PEG3: variants seen among roughly 807,000 people sequenced by gnomAD.
PEG3 encodes paternally-expressed gene 3 protein.
Under a neutral mutation model 35.5 loss-of-function variants are expected in PEG3, and 23 were observed. The observed-to-expected ratio is 0.65, with a 90% CI of 0.47 to 0.92. The LOEUF is 0.92. Ranked by LOEUF, PEG3 falls within the 40% of genes least tolerant of loss-of-function variation. The probability of loss-of-function intolerance (pLI) is 0.00; values close to 1 mark genes in which losing one functional copy is unlikely to be tolerated. For missense variants in PEG3, 1,960 were observed against 1,985.3 expected, an observed-to-expected ratio of 0.99 and a Z score of 0.24; for synonymous variants, 707 against 697.0, an observed-to-expected ratio of 1.01 and a Z score of -0.23.
chr19:56,811,517 C>T lies in PEG3; in HGVS notation c.*2158G>A. The stretch of plus-strand genomic sequence containing the variant: ...GTTTAAACAATCATTCTCTTGTTTA[C>T]CATTTGTTACTACCTTTTCACTAGC... On this transcript the variant is annotated 3_prime_UTR_variant, in exon 10 of 10. Coordinates refer to ENST00000326441, the MANE Select transcript of PEG3 (RefSeq NM_006210.3). 1.0e-6 allele frequency: 1 copy of T among 985,136 alleles called. No homozygotes were observed. The highest frequency in any genetic ancestry group is 1.2e-6 in the Non-Finnish European group (1 of 829,746). The allele number at this position is 985,136 out of a possible 1,614,324, so 61.0% of individuals were successfully genotyped here.
Position 56,816,810 on chromosome 19 carries a change from G to A in PEG3, c.1632C>T (p.Phe544=). The A allele has an allele frequency of 1.2e-6, 2 of 1,614,166 alleles. No homozygotes were observed. Among genetic ancestry groups the A allele is most frequent in the Non-Finnish European group, 1.7e-6 (2 of 1,180,018 alleles). The part of the protein sequence containing the change: ...ECKNQECEEA[F]MPSPTFSELQ... ...GCTCACTAAAGGTGGGGCTAGGCAT[G>A]AAGGCTTCCTCACATTCCTGATTCT... Residue 544 remains phenylalanine, a synonymous_variant, in exon 10 of 10, where the codon TTC becomes TTT. Transcript: ENST00000326441.
At chr19:56,826,970 A>T (rs554903724) in intron 2 of PEG3, among the ~76,000 whole-genome samples, 1 of 152,336 alleles carries the variant, frequency 6.6e-6, no homozygotes, top group Non-Finnish European at 1.5e-5. Flanking sequence ...TGGCAGGCTT[A>T]TAGAGTTCAA....
chr19:56,816,174 G>C lies in PEG3; in HGVS notation c.2268C>G (p.Pro756=), dbSNP rs912064162. 5 of 1,614,020 alleles carry C rather than the reference G, an allele frequency of 3.1e-6. No individual in the cohort carries two copies. The highest frequency in any genetic ancestry group is 2.2e-5 in the East Asian group (1 of 44,888). ...DEKAFTISSN[P]YENQKIPTKE... ...TAGTGGGAATCTTCTGGTTTTCATA[G>C]GGGTTAGAGCTAATGGTGAACGCCT... The change falls in exon 10 of 10, where the codon CCC becomes CCG. Residue 756 remains proline, a synonymous_variant. Transcript: ENST00000326441.
Position 56,810,991 on chromosome 19 carries a change from G to A in PEG3, c.*2684C>T. On this transcript the variant is annotated 3_prime_UTR_variant, in exon 10 of 10. Transcript: ENST00000326441. Reference sequence around the variant, plus strand: ...ATAATTCCACAAAGGTAATGTAACAGCTATTTTGAATATACATTTTGACAC... The same window carrying A: ...ATAATTCCACAAAGGTAATGTAACAACTATTTTGAATATACATTTTGACAC... 1 of 973,138 alleles carries A rather than the reference G, an allele frequency of 1.0e-6. No individual in the cohort carries two copies. Among genetic ancestry groups the A allele is most frequent in the Non-Finnish European group, 1.2e-6 (1 of 818,770 alleles). 60.3% of individuals were successfully genotyped at this position (973,138 alleles called of 1,614,324 possible).
At chr19:56,839,430 T>G (rs766431142) in intron 1 of PEG3, among the ~76,000 whole-genome samples, 6 of 150,886 alleles carry the variant, frequency 4.0e-5, no homozygotes, top group Admixed American at 1.3e-4. Context: ...GGGCAGGGCC[T>G]GAACAGATCG....
chr19:56,813,077 A>T lies in PEG3; in HGVS notation c.*598T>A, dbSNP rs1251605139. 1.0e-6 allele frequency: 1 copy of T among 985,334 alleles called. No individual in the cohort carries two copies. The highest frequency in any genetic ancestry group is 1.2e-6 in the Non-Finnish European group (1 of 829,774). 61.0% of individuals were successfully genotyped at this position (985,334 alleles called of 1,614,324 possible). ...TGCCTACAGCTTCACAAGACTATTT[A>T]AGGGTAAGAAACAAAACAATTACTC... On this transcript the variant is annotated 3_prime_UTR_variant, in exon 10 of 10. Coordinates refer to ENST00000326441, the MANE Select transcript of PEG3 (RefSeq NM_006210.3).
Position 56,817,020 on chromosome 19 carries a change from A to G in PEG3, c.1422T>C (p.His474=), listed in dbSNP as rs1021775767. 8.1e-6 allele frequency: 13 copies of G among 1,614,018 alleles called. No individual in the cohort carries two copies. The African/African-American group carries it at 1.7e-4, about 22-fold the overall frequency. ...CATACTCATAGAGGTTCTCTCTAGT[A>G]TGCATGATCTGGTGCTCAACAAATT... ...ISEFVEHQIM[H]TRENLYEYGE... The change falls in exon 10 of 10, where the codon CAT becomes CAC. Residue 474 remains histidine, a synonymous_variant. Coordinates refer to ENST00000326441, the MANE Select transcript of PEG3 (RefSeq NM_006210.3).
rs1232641962 is a variant in PEG3, at chr19:56,826,401, G to C, written c.-100C>G. ...ATATGTAATCACCTGTCTGGGAACA[G>C]GATCCTTTCTGGAACTTCAGACCAA... is the stretch of plus-strand genomic sequence containing the variant. On this transcript the variant is annotated 5_prime_UTR_variant, in exon 3 of 10. Coordinates refer to ENST00000326441, the MANE Select transcript of PEG3 (RefSeq NM_006210.3). 6.6e-6 allele frequency: 1 copy of C among 152,244 alleles called. No individual in the cohort carries two copies. Among genetic ancestry groups the C allele is most frequent in the African/African-American group, 2.4e-5 (1 of 41,452 alleles). The allele number at this position is 152,244 out of a possible 1,614,324, so 9.4% of individuals were successfully genotyped here.
At chr19:56,824,807 C>T (rs2060863180) in intron 3 of PEG3, 66 bp from the exon 4 acceptor site, 1 of 680,386 alleles carries the variant, frequency 1.5e-6, no homozygotes, top group African/African-American at 1.8e-5. Context: ...TGGAGGCCAC[C>T]TTACCAGAGG....
At chr19:56,838,664 G>C (rs1034560897) in intron 1 of PEG3, among the ~76,000 whole-genome samples, 1 of 152,196 alleles carries the variant, frequency 6.6e-6, no homozygotes, top group Admixed American at 6.5e-5. Flanking sequence ...CTGTCCTTAA[G>C]CATAAATGGC....
chr19:56,812,920 G>A lies in PEG3; in HGVS notation c.*755C>T. ...AACCAATCAATCTGGGTCACAAAAAGCCAATCCGTATATTGTAAAGCCTTA... is the reference window on the plus strand; with the variant it reads ...AACCAATCAATCTGGGTCACAAAAAACCAATCCGTATATTGTAAAGCCTTA... On this transcript the variant is annotated 3_prime_UTR_variant, in exon 10 of 10. Coordinates refer to ENST00000326441, the MANE Select transcript of PEG3 (RefSeq NM_006210.3). 1.0e-6 allele frequency: 1 copy of A among 985,288 alleles called. No homozygotes were observed. Among genetic ancestry groups the A allele is most frequent in the Non-Finnish European group, 1.2e-6 (1 of 829,850 alleles). The allele number at this position is 985,288 out of a possible 1,614,324, so 61.0% of individuals were successfully genotyped here. A position where few individuals can be genotyped will look rare whatever the true frequency, so the allele number is the denominator to read the frequency against.
At chr19:56,839,167 A>G (rs571163455) in intron 1 of PEG3, among the ~76,000 whole-genome samples, 1 of 151,250 alleles carries the variant, frequency 6.6e-6, no homozygotes, top group South Asian at 2.1e-4. Context: ...ACAAACCACT[A>G]GGTCCAATGC....
intron 1 of PEG3, among the ~76,000 whole-genome samples, 165 bp from the exon 2 acceptor site, chr19:56,836,269 C>T (rs1036418545): frequency 1.3e-5 from 2 of 152,098 alleles, no homozygotes; most frequent in Non-Finnish European, 2.9e-5. Context: ...ACGGGTATAG[C>T]TCCCTTAGAC....
At chr19:56,833,128 T>A (rs760494732) in intron 2 of PEG3, 3 of 516,350 alleles carry the variant, frequency 5.8e-6, no homozygotes, top group South Asian at 4.2e-5. Flanking sequence ...TGGGACCATG[T>A]GTGAGAAGAA....
rs747830167 is a variant in PEG3, at chr19:56,814,564, T to C, written c.3878A>G (p.Asn1293Ser). 3.1e-6 allele frequency: 5 copies of C among 1,613,882 alleles called. No homozygotes were observed. Among genetic ancestry groups the C allele is most frequent in the South Asian group, 2.2e-5 (2 of 91,048 alleles). The change falls in exon 10 of 10, where the codon AAC (asparagine) becomes AGC (serine). Residue 1293 changes from asparagine to serine, a missense_variant. Transcript: ENST00000326441. This position sits in a 1 kb window ranked among gnomAD's most constrained non-coding sequence, Gnocchi z 5.8. ...TACGTGATCTGCAAGTTCTGCTGGGTTGACGAAAGATTCTCCACAGACTGC... is the reference window on the plus strand; with the variant it reads ...TACGTGATCTGCAAGTTCTGCTGGGCTGACGAAAGATTCTCCACAGACTGC... ...ECAVCGESFV[N>S]PAELADHVTV...
Position 56,811,738 on chromosome 19 carries a change from C to T in PEG3, c.*1937G>A. The T allele has an allele frequency of 2.0e-6, 2 of 985,588 alleles. No homozygotes were observed. The highest frequency in any genetic ancestry group is 4.7e-5 in the South Asian group (1 of 21,264). 61.1% of individuals were successfully genotyped at this position (985,588 alleles called of 1,614,324 possible). ...GCTTTCCCGATGTCCGTTCCAACCT[C>T]AGTCCTTCCTATGCAGCCAGCCCTC... On this transcript the variant is annotated 3_prime_UTR_variant, in exon 10 of 10. Coordinates refer to ENST00000326441, the MANE Select transcript of PEG3 (RefSeq NM_006210.3).
chr19:56,827,253 C>A (rs1312705313), intron 2 of PEG3, among the ~76,000 whole-genome samples: 3 of 151,484 alleles, frequency 2.0e-5, no homozygotes, highest in Middle Eastern at 3.2e-3. Context: ...ACTTCTGTGC[C>A]AAAAAAAATA....
rs191716523 is a variant in PEG3 at position 56,813,740 on chromosome 19, C to T, written c.4702G>A (p.Val1568Ile). 1.7e-5 allele frequency: 28 copies of T among 1,614,086 alleles called. No individual in the cohort carries two copies. Among genetic ancestry groups the T allele is most frequent in the Middle Eastern group, 3.3e-4 (2 of 6,062 alleles). The change falls in exon 10 of 10, where the codon GTC (valine) becomes ATC (isoleucine). Residue 1568 changes from valine to isoleucine, a missense_variant. Val to Ile is a conservative substitution (Grantham distance 29). Coordinates refer to ENST00000326441, the MANE Select transcript of PEG3 (RefSeq NM_006210.3). ...CGGTCATTGAAGAGCTGCCCACAGA[C>T]GTCACATTTGAAGTACTTCTCATCA... ...QADEKYFKCD[V>I]CGQLFNDRLS...
chr19:56,833,103 G>A (rs759414629), intron 2 of PEG3: 9 of 506,500 alleles, frequency 1.8e-5, no homozygotes, highest in Non-Finnish European at 3.5e-5. Flanking sequence ...AACACATCAT[G>A]CACTAGAAAG....
Sources: allele counts gnomAD v4.1 joint callset (sites outside exome capture counted in the v4.1 genomes callset), GRCh38; gene constraint gnomAD v4.1.1; non-coding constraint Gnocchi (gnomAD v3.1); transcripts MANE v1.5; gene names NCBI Gene and HGNC (gene_info 2026-07-23, HGNC 2026-07-21).